ZNF619: variants seen among roughly 807,000 people sequenced by gnomAD.
ZNF619 encodes the protein zinc finger protein 619.
ZNF619 carries 9 observed loss-of-function variants against 14.2 expected under a neutral mutation model. The observed-to-expected ratio is 0.64, with a 90% CI of 0.38 to 1.11. ZNF619 has a LOEUF of 1.11. Among genes scored for constraint, ZNF619 ranks in the 50% least tolerant of loss-of-function variants. ZNF619 has a pLI of 0.01. For synonymous variants in ZNF619, 246 were observed against 252.8 expected (o/e 0.97, Z 0.26); for missense variants, 659 against 680.1 (o/e 0.97, Z 0.34).
chr3:40,480,660 G>A (rs1227698972), intron 2 of ZNF619, among the ~76,000 whole-genome samples: 4 of 151,896 alleles, frequency 2.6e-5, no homozygotes, highest in East Asian at 3.9e-4. Flanking sequence ...CACCACGCCC[G>A]GCTAATTTTT....
intron 2 of ZNF619, among the ~76,000 whole-genome samples, chr3:40,479,530 G>A (rs1360285913): frequency 2.6e-5 from 4 of 152,170 alleles, no homozygotes; most frequent in Non-Finnish European, 4.4e-5. Context: ...TGCCATTCTT[G>A]TAAGAGTCCT....
intron 4 of ZNF619, 54 bp from the exon 5 acceptor site, chr3:40,486,744 ATTAACCCT>A: frequency 3.0e-6 from 4 of 1,354,090 alleles, no homozygotes; most frequent in Non-Finnish European, 4.1e-6. Context: ...GCTGTTACTG[ATTAACCCT>A]TTTCCCTTCT....
rs769619600 is a variant in ZNF619, at chr3:40,487,276, G to A, written c.766G>A (p.Gly256Arg). 6.2e-7 allele frequency: 1 copy of A among 1,614,120 alleles called. No homozygotes were observed. The highest frequency in any genetic ancestry group is 1.7e-5 in the Admixed American group (1 of 60,016). The change falls in exon 5 of 5, where the codon GGA (glycine) becomes AGA (arginine). Residue 256 changes from glycine (G) to arginine (R), a missense_variant. Physicochemically the swap from Gly to Arg is moderately radical, Grantham distance 125. Transcript: ENST00000432264. ...KLSRHQKIHT[G>R]EKPYSCEECG... ...GTCACGGCATCAGAAAATCCACACT[G>A]GAGAGAAACCATACTCATGTGAGGA...
Position 40,486,978 on chromosome 3 carries a change from G to A in ZNF619, c.468G>A (p.Lys156=), listed in dbSNP as rs1026964047. The change falls in exon 5 of 5, where the codon AAG becomes AAA. Residue 156 remains lysine (K), a synonymous_variant. Transcript: ENST00000432264. ...SQLHDTGNKT[K]IGDCTDLTVQ... ...TACATGATACAGGGAATAAAACAAAGATAGGGGATTGCACAGATTTGACAG... is the reference window on the plus strand; with the variant it reads ...TACATGATACAGGGAATAAAACAAAAATAGGGGATTGCACAGATTTGACAG... 6 of 1,614,084 alleles carry A rather than the reference G, an allele frequency of 3.7e-6. No homozygotes were observed.
In ZNF619 at chr3:40,479,433, A is replaced by G. The variant is rs1039162558; in HGVS notation, c.24+1430A>G. On this transcript the variant is annotated intron_variant, in intron 2 of 4. Transcript: ENST00000432264. ...TAGAATCTTCTAGGAAGTTCCCCCA[A>G]TCTCATCTGTGGTTGTAGTAAGTGC... 1.2e-4 allele frequency among the ~76,000 whole-genome samples: 19 copies of G among 152,284 alleles called. No homozygotes were observed. The East Asian group carries it at 2.1e-3, about 17-fold the overall frequency.
chr3:40,482,380 C>A (rs1382648239), intron 3 of ZNF619: 1 of 1,577,216 alleles, frequency 6.3e-7, no homozygotes, highest in East Asian at 2.3e-5. Context: ...GTGTACACAC[C>A]CCCCAGTGAC....
intron 2 of ZNF619, among the ~76,000 whole-genome samples, chr3:40,479,244 A>G (rs745679362): frequency 2.0e-5 from 3 of 152,182 alleles, no homozygotes; most frequent in East Asian, 3.8e-4. Context: ...GAACCTTCCC[A>G]TAAGTCCCCA....
In ZNF619 at chr3:40,487,009, G is replaced by A. The variant is rs778170346; in HGVS notation, c.499G>A (p.Asp167Asn). ...IGDCTDLTVQDHESSTTEREE... is the reference protein window; with the variant it reads ...IGDCTDLTVQNHESSTTEREE... The stretch of plus-strand genomic sequence containing the variant: ...GGATTGCACAGATTTGACAGTCCAG[G>A]ATCATGAATCTTCCACCACTGAAAG... Residue 167 changes from aspartate (D) to asparagine (N), a missense_variant, in exon 5 of 5, where the codon GAT (aspartate) becomes AAT (asparagine). Physicochemically the swap from Asp to Asn is conservative, Grantham distance 23. Transcript: ENST00000432264. 4 of 1,614,144 alleles carry A rather than the reference G, an allele frequency of 2.5e-6. No individual in the cohort carries two copies. The South Asian group carries it at 4.4e-5, about 18-fold the overall frequency.
intron 3 of ZNF619, chr3:40,482,304 C>A (rs1697428985): frequency 6.4e-7 from 1 of 1,552,244 alleles, no homozygotes; most frequent in African/African-American, 1.4e-5. Context: ...TTCATTCCTT[C>A]CATCTTCCAG....
chr3:40,482,351 T>G (rs1697431700), intron 3 of ZNF619: 1 of 1,557,602 alleles, frequency 6.4e-7, no homozygotes, highest in Non-Finnish European at 8.7e-7. Context: ...TGCCTATGTG[T>G]GAGTCCCCTA....
rs1697634704 is a variant in ZNF619 at position 40,487,328 on chromosome 3, C to T, written c.818C>T (p.Ser273Phe). Reference sequence around the variant, plus strand: ...TGTGGACAAGCCTTCAGTCAAAATTCCCACCTTCTTCAGCATCAGAAGCTC... The same window carrying T: ...TGTGGACAAGCCTTCAGTCAAAATTTCCACCTTCTTCAGCATCAGAAGCTC... Reference protein sequence around the residue: ...EECGQAFSQNSHLLQHQKLHG... With the variant: ...EECGQAFSQNFHLLQHQKLHG... Residue 273 changes from serine (S) to phenylalanine (F), a missense_variant, in exon 5 of 5, where the codon TCC becomes TTC. By Grantham distance (155) the Ser-to-Phe change is radical. Coordinates refer to ENST00000432264, the MANE Select transcript of ZNF619 (RefSeq NM_001145093.4). The T allele has an allele frequency of 1.2e-6, 2 of 1,614,144 alleles. No homozygotes were observed.
At chr3:40,481,838 G>C (rs767480197) in intron 2 of ZNF619, 25 bp from the exon 3 acceptor site, 1 of 1,582,844 alleles carries the variant, frequency 6.3e-7, no homozygotes, top group Non-Finnish European at 8.6e-7. Context: ...CTGGAATTCA[G>C]GCCTCTCCCT....
At chr3:40,486,414 G>A (rs750166321) in intron 4 of ZNF619, among the ~76,000 whole-genome samples, 13 of 152,182 alleles carry the variant, frequency 8.5e-5, no homozygotes, top group Admixed American at 1.3e-4. Context: ...TCTAGTGGGC[G>A]TGGTGGCTCA....
chr3:40,482,135 C>G, intron 3 of ZNF619, 119 bp downstream of exon 3: 1 of 1,550,824 alleles, frequency 6.4e-7, no homozygotes, highest in Non-Finnish European at 8.7e-7. Context: ...GGCTGAGCTC[C>G]CTAATCCCCA....
At position 40,482,341 on chromosome 3, in the gene ZNF619, T is replaced by C. The variant is rs187871930; in HGVS notation, c.179-247T>C. 5,409 of 1,555,216 alleles carry C rather than the reference T, an allele frequency of 3.5e-3. 14 individuals are homozygous for C. The highest frequency in any genetic ancestry group is 4.4e-3 in the Non-Finnish European group (5,029 of 1,148,484). ...TCCCTGGAGCTGATCTTGGCCCTAT[T>C]GCCTATGTGTGAGTCCCCTAGGGCC... On this transcript the variant is annotated intron_variant, in intron 3 of 4. Transcript: ENST00000432264.
At chr3:40,486,222 C>G (rs1374474712) in intron 4 of ZNF619, among the ~76,000 whole-genome samples, 3 of 152,174 alleles carry the variant, frequency 2.0e-5, no homozygotes, top group African/African-American at 7.2e-5. Context: ...TCATTGCTTC[C>G]CCTTCCTGCA....
chr3:40,483,361 G>C (rs1697470957), intron 4 of ZNF619, among the ~76,000 whole-genome samples: 1 of 150,592 alleles, frequency 6.6e-6, no homozygotes, highest in Non-Finnish European at 1.5e-5. Flanking sequence ...CGCAGTTGTG[G>C]TTCACCACAA....
chr3:40,487,897 A>C lies in ZNF619; in HGVS notation c.1387A>C (p.Lys463Gln). The change falls in exon 5 of 5, where the codon AAA (lysine) becomes CAA (glutamine). Residue 463 changes from lysine to glutamine, a missense_variant. Physicochemically the swap from Lys to Gln is moderately conservative, Grantham distance 53 (BLOSUM62 1). Transcript: ENST00000432264. ...EKPYECKECG[K>Q]AFRWNASFIQ... ...ACCTTATGAGTGTAAGGAGTGCGGGAAAGCCTTCAGATGGAATGCAAGTTT... is the reference window on the plus strand; with the variant it reads ...ACCTTATGAGTGTAAGGAGTGCGGGCAAGCCTTCAGATGGAATGCAAGTTT... 6.2e-7 allele frequency: 1 copy of C among 1,614,230 alleles called. No homozygotes were observed. Among genetic ancestry groups the C allele is most frequent in the East Asian group, 2.2e-5 (1 of 44,880 alleles).
intron 3 of ZNF619, chr3:40,482,366 C>T (rs1377393200): frequency 1.3e-6 from 2 of 1,565,328 alleles, no homozygotes; most frequent in Admixed American, 1.9e-5. Flanking sequence ...CCCCTAGGGC[C>T]CTCGTGTACA....
Sources: allele counts gnomAD v4.1 joint callset (sites outside exome capture counted in the v4.1 genomes callset), GRCh38; gene constraint gnomAD v4.1.1; transcripts MANE v1.5; gene names NCBI Gene and HGNC (gene_info 2026-07-23, HGNC 2026-07-21).